KMT2C: variants seen among roughly 807,000 people sequenced by gnomAD.
The protein encoded by KMT2C is lysine methyltransferase 2C, also known as histone-lysine N-methyltransferase 2C.
KMT2C carries 88 observed loss-of-function variants against 507.9 expected under a neutral mutation model. The ratio of observed to expected loss-of-function variants is 0.17; its 90% CI spans 0.15 to 0.21. The LOEUF is 0.21. Ranked by LOEUF, KMT2C falls within the 10% of genes least tolerant of loss-of-function variation. The probability of loss-of-function intolerance (pLI) is 1.00; values close to 1 mark genes in which losing one functional copy is unlikely to be tolerated. For synonymous variants in KMT2C, 2,049 were observed against 2,080.8 expected, an observed-to-expected ratio of 0.98 and a Z score of 0.42; for missense variants, 4,954 against 5,957.8, an observed-to-expected ratio of 0.83 and a Z score of 5.55.
At position 152,181,100 on chromosome 7, in the gene KMT2C, C is replaced by T. The variant is rs1174385764; in HGVS notation, c.6760G>A (p.Ala2254Thr). The T allele has an allele frequency of 1.1e-5, 17 of 1,613,994 alleles. No individual in the cohort carries two copies. The highest frequency in any genetic ancestry group is 1.3e-5 in the Non-Finnish European group (15 of 1,180,038). Residue 2254 changes from alanine to threonine, a missense_variant, in exon 36 of 59, where the codon GCA becomes ACA. Ala to Thr is a moderately conservative substitution (Grantham distance 58). Coordinates refer to ENST00000262189, the MANE Select transcript of KMT2C (RefSeq NM_170606.3). The part of the protein sequence containing the change: ...MPNQDPFLQA[A>T]QNRGPALPGP... ...GGTAAAGCTGGTCCTCGGTTTTGTG[C>T]TGCTTGCAGGAAAGGATCCTGATTT...
At chr7:152,354,521 C>A (rs187282670) in intron 2 of KMT2C, among the ~76,000 whole-genome samples, 1 of 152,188 alleles carries the variant, frequency 6.6e-6, no homozygotes, top group Non-Finnish European at 1.5e-5. Context: ...CTATCTGTTA[C>A]GTACTAGGAG....
intron 1 of KMT2C, among the ~76,000 whole-genome samples, chr7:152,384,585 C>A (rs865863909): frequency 3.3e-4 from 49 of 149,842 alleles, no homozygotes; most frequent in Non-Finnish European, 5.1e-4. Context: ...CCACCACCAC[C>A]ACCACCACCA....
intron 1 of KMT2C, among the ~76,000 whole-genome samples, chr7:152,365,661 C>A (rs1407864739): frequency 1.3e-5 from 2 of 152,228 alleles, no homozygotes; most frequent in African/African-American, 4.8e-5. Context: ...GCTGGGATTA[C>A]AGGCATTAGC....
intron 4 of KMT2C, among the ~76,000 whole-genome samples, chr7:152,314,773 A>G (rs1277114530): frequency 6.6e-6 from 1 of 152,188 alleles, no homozygotes; most frequent in Non-Finnish European, 1.5e-5. Context: ...TTAGAGAAAC[A>G]AAAGAAGGAC....
intron 9 of KMT2C, among the ~76,000 whole-genome samples, chr7:152,261,516 A>C: frequency 6.6e-6 from 1 of 152,220 alleles, no homozygotes; most frequent in East Asian, 1.9e-4. Flanking sequence ...TTTATTTTAA[A>C]AAACCTACCT....
At chr7:152,257,594 C>T (rs146875941) in intron 9 of KMT2C, among the ~76,000 whole-genome samples, 68 of 152,210 alleles carry the variant, frequency 4.5e-4, no homozygotes, top group Middle Eastern at 6.8e-3. Flanking sequence ...GCTGATGTTG[C>T]TACAACCCAG....
At chr7:152,245,681 T>A (rs2129162320) in intron 14 of KMT2C, among the ~76,000 whole-genome samples, 1 of 152,300 alleles carries the variant, frequency 6.6e-6, no homozygotes, top group African/African-American at 2.4e-5. Context: ...AATGTTCGTT[T>A]AATTTTGAAG....
rs2129114664 is a variant in KMT2C, at chr7:152,177,352, C to T, written c.8101G>A (p.Val2701Ile). 1.2e-6 allele frequency: 2 copies of T among 1,614,206 alleles called. No homozygotes were observed. The highest frequency in any genetic ancestry group is 1.7e-6 in the Non-Finnish European group (2 of 1,180,016). ...SDDPSVKELD[V>I]KDLEGVEVKD... Reference sequence around the variant, plus strand: ...ACTTCAACCCCCTCAAGGTCTTTAACATCCAGTTCCTTCACAGAAGGGTCA... The same window carrying T: ...ACTTCAACCCCCTCAAGGTCTTTAATATCCAGTTCCTTCACAGAAGGGTCA... The change falls in exon 38 of 59, where the codon GTT becomes ATT. Residue 2701 changes from valine to isoleucine, a missense_variant. Coordinates refer to ENST00000262189, the MANE Select transcript of KMT2C (RefSeq NM_170606.3).
At chr7:152,324,994 T>C (rs187984958) in intron 3 of KMT2C, among the ~76,000 whole-genome samples, 2 of 152,162 alleles carry the variant, frequency 1.3e-5, no homozygotes, top group African/African-American at 2.4e-5. Flanking sequence ...CTTCTTCTTA[T>C]TGCATTGTTT....
Position 152,428,746 on chromosome 7 carries a change from C to T in KMT2C, c.161+6880G>A, listed in dbSNP as rs186734665. Among the ~76,000 whole-genome samples, 13 of 152,236 alleles carry T rather than the reference C, an allele frequency of 8.5e-5. No individual in the cohort carries two copies. The East Asian group carries it at 2.5e-3, about 29-fold the overall frequency. On this transcript the variant is annotated intron_variant, in intron 1 of 58. Transcript: ENST00000262189. Reference sequence around the variant, plus strand: ...AATTCTGTATCAGTTTCACCTTAAGCAGGGCATAAGGACTCCTAGACTTCC... The same window carrying T: ...AATTCTGTATCAGTTTCACCTTAAGTAGGGCATAAGGACTCCTAGACTTCC...
rs2089859426 is a variant in KMT2C, at chr7:152,136,190, A to AT, written c.*641dup. 4.8e-6 allele frequency: 1 copy of AT among 208,054 alleles called. No homozygotes were observed. The highest frequency in any genetic ancestry group is 2.3e-5 in the African/African-American group (1 of 43,934). The allele number at this position is 208,054 out of a possible 1,614,324, so 12.9% of individuals were successfully genotyped here. On this transcript the variant is annotated 3_prime_UTR_variant, in exon 59 of 59. Coordinates refer to ENST00000262189, the MANE Select transcript of KMT2C (RefSeq NM_170606.3). Reference sequence around the variant, plus strand: ...AATAATAAATACAAAAGTTTCTCTTATTTTACAGAAATCAAAAACTACAAT... The same window carrying AT: ...AATAATAAATACAAAAGTTTCTCTTATTTTTACAGAAATCAAAAACTACAAT...
intron 2 of KMT2C, among the ~76,000 whole-genome samples, chr7:152,340,360 T>C (rs1469828491): frequency 6.6e-6 from 1 of 152,072 alleles, no homozygotes; most frequent in Non-Finnish European, 1.5e-5. Context: ...TTTTCATGCT[T>C]GCTTCCTACT....
intron 42 of KMT2C, among the ~76,000 whole-genome samples, chr7:152,166,782 A>T (rs1043324882): frequency 1.3e-5 from 2 of 152,210 alleles, no homozygotes; most frequent in Admixed American, 1.3e-4. Context: ...AGTTAAGTCG[A>T]ATACTCTCAA....
At chr7:152,375,755 A>G (rs1589559792) in intron 1 of KMT2C, among the ~76,000 whole-genome samples, 1 of 152,072 alleles carries the variant, frequency 6.6e-6, no homozygotes, top group Admixed American at 6.6e-5. Context: ...CGTTTTAGTA[A>G]TCCTCAAAGT....
At chr7:152,262,616 A>G (rs1443546680) in intron 9 of KMT2C, among the ~76,000 whole-genome samples, 1 of 152,276 alleles carries the variant, frequency 6.6e-6, no homozygotes, top group African/African-American at 2.4e-5. Flanking sequence ...GTAATAAAAA[A>G]GAATCACTAC....
chr7:152,367,159 A>G, intron 1 of KMT2C: 2 of 1,427,886 alleles, frequency 1.4e-6, no homozygotes, highest in South Asian at 2.4e-5. Context: ...AACGAGGAAA[A>G]TTCTTCCAAG....
Position 152,152,969 on chromosome 7 carries a change from A to AT in KMT2C, c.12277-16_12277-15insA. On this transcript the variant is annotated splice_polypyrimidine_tract_variant and intron_variant, in intron 48 of 58. Coordinates refer to ENST00000262189, the MANE Select transcript of KMT2C (RefSeq NM_170606.3). The stretch of plus-strand genomic sequence containing the variant: ...CTGCTAATGTTCTAAAACCAAATGC[A>AT]AATGCTGTATTATTCACCCAGAAGG... 2 of 1,613,114 alleles carry AT rather than the reference A, an allele frequency of 1.2e-6. No homozygotes were observed. Among genetic ancestry groups the AT allele is most frequent in the Non-Finnish European group, 1.7e-6 (2 of 1,179,020 alleles).
At chr7:152,290,734 C>A (rs577769546) in intron 6 of KMT2C, among the ~76,000 whole-genome samples, 17 of 152,172 alleles carry the variant, frequency 1.1e-4, no homozygotes, top group Admixed American at 3.9e-4. Flanking sequence ...TAGTATCAAA[C>A]AAGAATATTC....
chr7:152,260,564 A>G lies in KMT2C; in HGVS notation c.1299+2452T>C, dbSNP rs1471988804. ...AGCTTTCAGGAAGAAAAAAAGGATTATGATTAAATTTTTTAAAGTTAAGAT... is the reference window on the plus strand; with the variant it reads ...AGCTTTCAGGAAGAAAAAAAGGATTGTGATTAAATTTTTTAAAGTTAAGAT... On this transcript the variant is annotated intron_variant, in intron 9 of 58. Transcript: ENST00000262189. Among the ~76,000 whole-genome samples, 4 of 152,272 alleles carry G rather than the reference A, an allele frequency of 2.6e-5. No individual in the cohort carries two copies. The East Asian group carries it at 7.7e-4, about 29-fold the overall frequency.
Sources: allele counts gnomAD v4.1 joint callset (sites outside exome capture counted in the v4.1 genomes callset), GRCh38; gene constraint gnomAD v4.1.1; transcripts MANE v1.5; gene names NCBI Gene and HGNC (gene_info 2026-07-23, HGNC 2026-07-21).